Variants in TMEM272 observed in about 807,000 individuals in gnomAD.
TMEM272 encodes the protein long intergenic non-protein coding RNA 282.
TMEM272 carries 8 observed loss-of-function variants against 3.7 expected under a neutral mutation model. The observed-to-expected ratio is 2.17, with a 90% CI of 1.27 to 3.91. The LOEUF is 3.91. TMEM272 is among the 30% of genes most tolerant of loss of function. The pLI is 0.00. For synonymous variants in TMEM272, 63 were observed against 39.8 expected (o/e 1.58, Z -2.20); for missense variants, 166 against 91.5 (o/e 1.81, Z -3.32).
chr13:51,830,933 T>C (rs1249187522), intron 2 of TMEM272, among the ~76,000 whole-genome samples: 2 of 152,152 alleles, frequency 1.3e-5, no homozygotes, highest in African/African-American at 4.8e-5. Flanking sequence ...CGAGGTCTAA[T>C]GAGGCTCACT....
chr13:51,928,644 C>A, the TMEM272 span, among the ~76,000 whole-genome samples: 1 of 152,230 alleles, frequency 6.6e-6, no homozygotes, highest in East Asian at 1.9e-4. Flanking sequence ...GTAATGAGGG[C>A]AGTTCTTATC....
At chr13:51,912,005 C>T in the TMEM272 span, among the ~76,000 whole-genome samples, 1 of 152,124 alleles carries the variant, frequency 6.6e-6, no homozygotes, top group African/African-American at 2.4e-5. Context: ...CATGGCCACT[C>T]CCTCAAGGAT....
At chr13:51,889,635 T>TG in the TMEM272 span, among the ~76,000 whole-genome samples, 41 of 142,372 alleles carry the variant, frequency 2.9e-4, no homozygotes, top group African/African-American at 4.7e-4. Context: ...TGTGTGTGTG[T>TG]GGGGGGGTTT....
chr13:51,885,076 TA>T, the TMEM272 span, among the ~76,000 whole-genome samples: 2 of 152,214 alleles, frequency 1.3e-5, no homozygotes, highest in Non-Finnish European at 1.5e-5. Context: ...GTCTGGCCAC[TA>T]AGCTTAGAAG....
At chr13:51,844,003 G>A (rs1395962152) in intron 1 of TMEM272, among the ~76,000 whole-genome samples, 2 of 152,122 alleles carry the variant, frequency 1.3e-5, no homozygotes, top group East Asian at 1.9e-4. Context: ...CAGGGCTGTC[G>A]ATAAAGAGAC....
At chr13:51,843,607 T>C (rs1305911824) in intron 1 of TMEM272, among the ~76,000 whole-genome samples, 13 of 152,366 alleles carry the variant, frequency 8.5e-5, no homozygotes, top group African/African-American at 2.6e-4. Context: ...TTTTTCTTAT[T>C]TGATAGAAAG....
At chr13:51,906,470 A>C in the TMEM272 span, among the ~76,000 whole-genome samples, 1 of 152,242 alleles carries the variant, frequency 6.6e-6, no homozygotes, top group African/African-American at 2.4e-5. Context: ...TGTGAGAACA[A>C]GGAAGAACAT....
At chr13:51,926,060 A>C in the TMEM272 span, among the ~76,000 whole-genome samples, 1 of 151,290 alleles carries the variant, frequency 6.6e-6, no homozygotes, top group Non-Finnish European at 1.5e-5. Context: ...AGTGTGACAT[A>C]TATGTGTGGT....
chr13:51,891,705 C>T, the TMEM272 span, among the ~76,000 whole-genome samples: 127 of 152,132 alleles, frequency 8.3e-4, no homozygotes, highest in Non-Finnish European at 1.5e-3. Flanking sequence ...AGAGGGACAA[C>T]TACTGTTCTA....
rs569822897 is a variant in TMEM272, at chr13:51,837,314, G to C, written c.58+1159C>G. On this transcript the variant is annotated intron_variant, in intron 2 of 4. Transcript: ENST00000629372. ...GGGAGGTGGTGGTAACTAATTTCCC[G>C]AAGATGTAGAGCAACAATATAGCTG... 2.6e-5 allele frequency among the ~76,000 whole-genome samples: 4 copies of C among 152,212 alleles called. No homozygotes were observed. The South Asian group carries it at 8.3e-4, about 32-fold the overall frequency.
chr13:51,908,970 C>A, the TMEM272 span: 22 of 1,409,650 alleles, frequency 1.6e-5, no homozygotes, highest in Non-Finnish European at 1.8e-5. Context: ...TCTTCCTCCT[C>A]CCCCTGGAAG....
the TMEM272 span, among the ~76,000 whole-genome samples, chr13:51,858,827 T>C: frequency 1.3e-5 from 2 of 152,026 alleles, no homozygotes; most frequent in Non-Finnish European, 2.9e-5. Context: ...CCCAGAAACA[T>C]GAGAGGCCAA....
chr13:51,881,451 G>C, the TMEM272 span, among the ~76,000 whole-genome samples: 1 of 134,104 alleles, frequency 7.5e-6, no homozygotes, highest in Non-Finnish European at 1.7e-5. Flanking sequence ...CTATCTGATG[G>C]AAAATAGAAA....
chr13:51,884,128 G>C, the TMEM272 span, among the ~76,000 whole-genome samples: 4 of 152,194 alleles, frequency 2.6e-5, no homozygotes, highest in Non-Finnish European at 5.9e-5. Flanking sequence ...TAAAGAGGTA[G>C]AGAATGATGC....
chr13:51,865,795 CA>C, the TMEM272 span: 1 of 1,614,154 alleles, frequency 6.2e-7, no homozygotes, highest in Non-Finnish European at 8.5e-7. Context: ...GGAAAGAGGA[CA>C]ATGCCTTATG....
the TMEM272 span, chr13:51,908,415 T>G: frequency 1.3e-6 from 2 of 1,484,390 alleles, no homozygotes; most frequent in African/African-American, 2.8e-5. Flanking sequence ...ACCTGGGACA[T>G]CCCTTGGTGG....
the TMEM272 span, among the ~76,000 whole-genome samples, chr13:51,867,122 C>T: frequency 2.6e-5 from 4 of 152,148 alleles, no homozygotes; most frequent in Non-Finnish European, 5.9e-5. Context: ...TTAGGCCTGG[C>T]CTTCACTGTC....
chr13:51,883,975 TAA>T, the TMEM272 span, among the ~76,000 whole-genome samples: 8 of 152,230 alleles, frequency 5.3e-5, no homozygotes, highest in African/African-American at 1.7e-4. Context: ...GATGTCAAAG[TAA>T]AAGTCTGTGT....
the TMEM272 span, among the ~76,000 whole-genome samples, chr13:51,858,844 TC>T: frequency 6.6e-6 from 1 of 152,100 alleles, no homozygotes; most frequent in East Asian, 1.9e-4. Context: ...CCAAGCTCCT[TC>T]CCCCCTGCAA....
Sources: allele counts gnomAD v4.1 joint callset (sites outside exome capture counted in the v4.1 genomes callset), GRCh38; gene constraint gnomAD v4.1.1; transcripts MANE v1.5; gene names NCBI Gene and HGNC (gene_info 2026-07-23, HGNC 2026-07-21).